GRAMD2B: variants seen among roughly 807,000 people sequenced by gnomAD.
GRAMD2B encodes GRAM domain containing 2B, also known as GRAM domain-containing protein 2B.
Under a neutral mutation model 59.2 loss-of-function variants are expected in GRAMD2B, and 41 were observed. That is an observed-to-expected ratio of 0.69 (90% CI 0.54 to 0.90). The LOEUF is 0.90. Among genes scored for constraint, GRAMD2B ranks in the 40% least tolerant of loss-of-function variants. The probability of loss-of-function intolerance (pLI) is 0.00; values close to 1 mark genes in which losing one functional copy is unlikely to be tolerated. For synonymous variants in GRAMD2B, 161 were observed against 182.7 expected (o/e 0.88, Z 0.96); for missense variants, 424 against 500.5 (o/e 0.85, Z 1.46).
At chr5:126,375,515 G>A (rs1419143247) in intron 1 of GRAMD2B, among the ~76,000 whole-genome samples, 6 of 151,754 alleles carry the variant, frequency 4.0e-5, no homozygotes, top group African/African-American at 1.5e-4. Flanking sequence ...GACTACAGGC[G>A]CCTGCCACCA....
In GRAMD2B at chr5:126,399,980, C is replaced by G. The variant is rs762464868; in HGVS notation, c.125+28413C>G. On this transcript the variant is annotated intron_variant, in intron 1 of 8. Coordinates refer to the GRAMD2B transcript ENST00000506445. ...ATCCATTTACATTCATAGTAATTAT[C>G]AATAATACAGGACTCATTATTGCCA... 4.0e-4 allele frequency among the ~76,000 whole-genome samples: 61 copies of G among 151,888 alleles called. 1 individual carries two copies. The highest frequency in any genetic ancestry group is 7.2e-4 in the Admixed American group (11 of 15,234).
At chr5:126,360,614 G>C (rs972716376) in intron 1 of GRAMD2B, among the ~76,000 whole-genome samples, 2 of 152,132 alleles carry the variant, frequency 1.3e-5, no homozygotes, top group African/African-American at 4.8e-5. Flanking sequence ...TTTATCATCA[G>C]GGTCTTGAGT....
intron 1 of GRAMD2B, among the ~76,000 whole-genome samples, chr5:126,428,039 C>G (rs1760911817): frequency 6.6e-6 from 1 of 152,064 alleles, no homozygotes; most frequent in African/African-American, 2.4e-5. Flanking sequence ...TTGAGACCAG[C>G]CTGGCCAACA....
chr5:126,449,310 C>T (rs910846851), intron 1 of GRAMD2B, among the ~76,000 whole-genome samples: 11 of 152,152 alleles, frequency 7.2e-5, no homozygotes, highest in African/African-American at 2.4e-4. Context: ...ACTAGTTCCA[C>T]AATTATTCCA....
intron 9 of GRAMD2B, 85 bp downstream of exon 9, chr5:126,483,659 A>AAAAGT: frequency 1.4e-6 from 1 of 703,988 alleles, no homozygotes; most frequent in Non-Finnish European, 2.3e-6. Context: ...AAAAGAAAAG[A>AAAAGT]AAAGAAAGAA....
At chr5:126,490,030 T>C (rs75184080) in intron 13 of GRAMD2B, among the ~76,000 whole-genome samples, 238 of 152,356 alleles carry the variant, frequency 1.6e-3, no homozygotes, top group African/African-American at 5.6e-3. Flanking sequence ...TCCAAACTTA[T>C]GTTCTAAACC....
intron 1 of GRAMD2B, among the ~76,000 whole-genome samples, chr5:126,430,618 C>T (rs1259956239): frequency 1.3e-5 from 2 of 152,062 alleles, no homozygotes; most frequent in African/African-American, 4.8e-5. Flanking sequence ...GTTCCATAGG[C>T]TTGATTTAAA....
chr5:126,468,526 C>G (rs1014548866), intron 2 of GRAMD2B, among the ~76,000 whole-genome samples: 4 of 151,958 alleles, frequency 2.6e-5, no homozygotes, highest in African/African-American at 9.7e-5. Context: ...ATTGCTCTGT[C>G]CCCCAGGCTG....
At chr5:126,485,112 G>A (rs1772651395) in intron 10 of GRAMD2B, among the ~76,000 whole-genome samples, 1 of 152,082 alleles carries the variant, frequency 6.6e-6, no homozygotes, top group African/African-American at 2.4e-5. Flanking sequence ...CAGCACTTTG[G>A]GAGTCTGCGG....
At chr5:126,490,106 T>C (rs1203730688) in intron 13 of GRAMD2B, among the ~76,000 whole-genome samples, 1 of 152,202 alleles carries the variant, frequency 6.6e-6, no homozygotes, top group Non-Finnish European at 1.5e-5. Context: ...GTTCTTTACA[T>C]CGAGAATCAA....
At chr5:126,477,603 CCTTT>C (rs1474642491) in intron 5 of GRAMD2B, 85 bp from the exon 6 acceptor site, 1 of 824,160 alleles carries the variant, frequency 1.2e-6, no homozygotes, top group East Asian at 2.4e-5. Context: ...TTTCTGTTTA[CCTTT>C]TTTTTCTTTT....
chr5:126,465,994 G>A (rs1241893957), intron 2 of GRAMD2B, among the ~76,000 whole-genome samples: 5 of 152,198 alleles, frequency 3.3e-5, no homozygotes, highest in Non-Finnish European at 5.9e-5. Context: ...TTTGGTTGTG[G>A]GGCCGGAGGG....
intron 1 of GRAMD2B, among the ~76,000 whole-genome samples, chr5:126,377,429 G>A (rs1755288564): frequency 6.6e-6 from 1 of 152,046 alleles, no homozygotes; most frequent in Non-Finnish European, 1.5e-5. Flanking sequence ...GAGGGCCACT[G>A]GTAAGGTGCG....
At chr5:126,454,170 A>G (rs1317335534) in intron 1 of GRAMD2B, among the ~76,000 whole-genome samples, 1 of 152,214 alleles carries the variant, frequency 6.6e-6, no homozygotes, top group Non-Finnish European at 1.5e-5. Flanking sequence ...CCTTTTGAAA[A>G]GAAGAGGGAG....
chr5:126,465,238 T>G, intron 1 of GRAMD2B, 188 bp from the exon 2 acceptor site: 1 of 1,434,284 alleles, frequency 7.0e-7, no homozygotes, highest in Non-Finnish European at 9.1e-7. Flanking sequence ...CTGCAGCTAC[T>G]GCCGTTGGGA....
intron 1 of GRAMD2B, among the ~76,000 whole-genome samples, chr5:126,386,297 G>A (rs1174995245): frequency 1.3e-5 from 2 of 152,138 alleles, no homozygotes; most frequent in Non-Finnish European, 2.9e-5. Context: ...ACATTCAAAG[G>A]CAAATCCGAA....
chr5:126,435,784 T>A (rs907251205), intron 1 of GRAMD2B, among the ~76,000 whole-genome samples: 2 of 152,158 alleles, frequency 1.3e-5, no homozygotes, highest in African/African-American at 2.4e-5. Context: ...ATGAATAGAG[T>A]CCTTGCTTTC....
intron 1 of GRAMD2B, among the ~76,000 whole-genome samples, chr5:126,416,955 T>C (rs1759314197): frequency 6.6e-6 from 1 of 152,238 alleles, no homozygotes; most frequent in South Asian, 2.1e-4. Flanking sequence ...ATTCTCAGTC[T>C]CTCCCACTAG....
intron 8 of GRAMD2B, among the ~76,000 whole-genome samples, chr5:126,482,942 T>C (rs1772162308): frequency 6.6e-6 from 1 of 152,252 alleles, no homozygotes. Context: ...AACCCTGTTT[T>C]GATTTAGTTG....
Sources: gnomAD v4.1 joint callset for allele counts (sites outside exome capture counted in the v4.1 genomes callset) on GRCh38, gnomAD v4.1.1 for gene constraint, MANE v1.5 for transcripts, NCBI Gene and HGNC (gene_info 2026-07-23, HGNC 2026-07-21) for gene names.